Variants in SEC61A1 observed in about 807,000 individuals in gnomAD.
SEC61A1 encodes the protein protein transport protein Sec61 subunit alpha isoform 1.
SEC61A1 carries 15 observed loss-of-function variants against 55.2 expected under a neutral mutation model. The observed-to-expected ratio is 0.27, with a 90% CI of 0.18 to 0.42. The LOEUF (loss-of-function observed/expected upper bound fraction) is 0.42. SEC61A1 is among the 10% of genes least tolerant of loss of function. The pLI is 1.00. For synonymous variants in SEC61A1, 247 were observed against 234.0 expected (o/e 1.06, Z -0.51); for missense variants, 284 against 602.6 (o/e 0.47, Z 5.53).
At chr3:128,064,816 G>A in intron 7 of SEC61A1, 61 bp from the exon 8 acceptor site, 2 of 1,448,442 alleles carry the variant, frequency 1.4e-6, no homozygotes, top group Non-Finnish European at 1.9e-6. Flanking sequence ...TGCTAAGAAG[G>A]CTAGAAGCAA....
chr3:128,056,874 G>C, intron 5 of SEC61A1, 34 bp downstream of exon 5: 1 of 1,424,294 alleles, frequency 7.0e-7, no homozygotes, highest in Non-Finnish European at 9.3e-7. Context: ...GATGTCTATA[G>C]TTGGAAAATT....
rs1318713116 is a variant in SEC61A1, at chr3:128,067,065, C to T, written c.889C>T (p.Leu297=). 22 of 1,614,100 alleles carry T rather than the reference C, an allele frequency of 1.4e-5. No homozygotes were observed. Among genetic ancestry groups the T allele is most frequent in the Non-Finnish European group, 1.9e-5 (22 of 1,180,050 alleles). ...SNIPIILQSA[L]VSNLYVISQM... is the part of the protein sequence containing the mutation. ...CATCCCCATCATCCTGCAGTCTGCC[C>T]TGGTGTCCAACCTTTATGTCATCTC... Residue 297 remains leucine, a synonymous_variant, in exon 9 of 12, where the codon CTG becomes TTG. Coordinates refer to ENST00000243253, the MANE Select transcript of SEC61A1 (RefSeq NM_013336.4). The surrounding 1 kb of genome is among the most constrained non-coding windows in gnomAD (Gnocchi z 4.1).
intron 8 of SEC61A1, 65 bp from the exon 9 acceptor site, chr3:128,066,889 T>C: frequency 6.5e-7 from 1 of 1,529,648 alleles, no homozygotes; most frequent in Non-Finnish European, 9.0e-7. Context: ...CCGGCCGGGC[T>C]GTGTTTCTGT....
In SEC61A1 at chr3:128,052,669, C is replaced by G; in HGVS notation, c.7+110C>G. Reference sequence around the variant, plus strand: ...CAACCCTGACCGGCCCCCTGCAGAACGCGGCCCGTGCCCCCGGCCCTTCTC... The same window carrying G: ...CAACCCTGACCGGCCCCCTGCAGAAGGCGGCCCGTGCCCCCGGCCCTTCTC... On this transcript the variant is annotated intron_variant, in intron 1 of 11. Transcript: ENST00000243253. 7 of 1,534,824 alleles carry G rather than the reference C, an allele frequency of 4.6e-6. No homozygotes were observed. In the Admixed American group the frequency reaches 1.0e-4, roughly 23 times the overall value.
At chr3:128,066,030 C>G (rs1352012153) in intron 8 of SEC61A1, among the ~76,000 whole-genome samples, 1 of 152,118 alleles carries the variant, frequency 6.6e-6, no homozygotes, top group Non-Finnish European at 1.5e-5. Context: ...GCGTGAGCCA[C>G]CGCACCCGGC....
At chr3:128,060,810 T>G in intron 7 of SEC61A1, 149 bp downstream of exon 7, 1 of 751,880 alleles carries the variant, frequency 1.3e-6, no homozygotes, top group Non-Finnish European at 2.1e-6. Flanking sequence ...ATCTGCAAAG[T>G]TTTAAAAACA....
Position 128,052,443 on chromosome 3 carries a change from TCTCTCGGCGGA to T in SEC61A1, c.-109_-99del. The stretch of plus-strand genomic sequence containing the variant: ...TTGCCGCCGGGCTAGCACTGACGTG[TCTCTCGGCGGA>T]GCTGCTGTGCAGTGGAACGCGCTGG... On this transcript the variant is annotated 5_prime_UTR_variant, in exon 1 of 12. Coordinates refer to ENST00000243253, the MANE Select transcript of SEC61A1 (RefSeq NM_013336.4). 1.4e-6 allele frequency: 2 copies of T among 1,427,200 alleles called. No homozygotes were observed. Among genetic ancestry groups the T allele is most frequent in the Admixed American group, 2.9e-5 (1 of 34,884 alleles). 88.4% of individuals were successfully genotyped at this position (1,427,200 alleles called of 1,614,324 possible).
Position 128,067,834 on chromosome 3 carries a change from C to T in SEC61A1, c.1168-149C>T. 1 of 732,844 alleles carries T rather than the reference C, an allele frequency of 1.4e-6. No homozygotes were observed. Among genetic ancestry groups the T allele is most frequent in the Admixed American group, 2.3e-5 (1 of 44,032 alleles). 45.4% of individuals were successfully genotyped at this position (732,844 alleles called of 1,614,324 possible). On this transcript the variant is annotated intron_variant, in intron 10 of 11. Coordinates refer to ENST00000243253, the MANE Select transcript of SEC61A1 (RefSeq NM_013336.4). This position sits in a 1 kb window ranked among gnomAD's most constrained non-coding sequence, Gnocchi z 4.1. ...TCCACACTGTAAAGTTAGACTTTTT[C>T]ATATGACTTCCTTGCGGCAGTTTTA...
At chr3:128,054,064 T>G (rs1224511415) in intron 2 of SEC61A1, among the ~76,000 whole-genome samples, 1 of 152,108 alleles carries the variant, frequency 6.6e-6, no homozygotes, top group Non-Finnish European at 1.5e-5. Flanking sequence ...TAATTGTAGG[T>G]GGGGAACATT....
At chr3:128,064,147 T>C (rs970747232) in intron 7 of SEC61A1, among the ~76,000 whole-genome samples, 2 of 152,232 alleles carry the variant, frequency 1.3e-5, no homozygotes, top group African/African-American at 4.8e-5. Context: ...CTGCACTTCA[T>C]AGCTGTTGAA....
rs1262560556 is a variant in SEC61A1, at chr3:128,071,561, A to C, written c.*1899A>C. On this transcript the variant is annotated 3_prime_UTR_variant, in exon 12 of 12. Transcript: ENST00000243253. ...GGCCCACACTCACGCCCTGTGGGTG[A>C]TGGTCACGGTGGGTGGGTGGGGGCT... 1.3e-5 allele frequency: 2 copies of C among 152,712 alleles called. No homozygotes were observed. Among genetic ancestry groups the C allele is most frequent in the African/African-American group, 4.8e-5 (2 of 41,564 alleles). 9.5% of individuals were successfully genotyped at this position (152,712 alleles called of 1,614,324 possible).
rs1559800336 is a variant in SEC61A1 at position 128,069,733 on chromosome 3, G to A, written c.*71G>A. On this transcript the variant is annotated 3_prime_UTR_variant, in exon 12 of 12. Transcript: ENST00000243253. ...GGAAGGGGAGCTCTCATCATGGCGC[G>A]TGCTGCTGCGGCATATGGACTTTTA... The A allele has an allele frequency of 1.1e-5, 14 of 1,287,204 alleles. No individual in the cohort carries two copies. The highest frequency in any genetic ancestry group is 4.7e-5 in the East Asian group (2 of 42,924). 79.7% of individuals were successfully genotyped at this position (1,287,204 alleles called of 1,614,324 possible).
rs1942006110 is a variant in SEC61A1, at chr3:128,067,190, A to G, written c.975+39A>G. The G allele has an allele frequency of 2.6e-6, 4 of 1,563,628 alleles. No homozygotes were observed. Among genetic ancestry groups the G allele is most frequent in the South Asian group, 2.2e-5 (2 of 90,060 alleles). The stretch of plus-strand genomic sequence containing the variant: ...TTGAAGATGAGCTAGCAATGCAGCT[A>G]AGTTGCAGTGGTTTCTATCAGTGTC... On this transcript the variant is annotated intron_variant, in intron 9 of 11. Transcript: ENST00000243253. This position sits in a 1 kb window ranked among gnomAD's most constrained non-coding sequence, Gnocchi z 4.1.
chr3:128,059,832 C>G (rs1941828255), intron 5 of SEC61A1, among the ~76,000 whole-genome samples: 1 of 152,198 alleles, frequency 6.6e-6, no homozygotes, highest in African/African-American at 2.4e-5. Context: ...CCAAGTTTCA[C>G]TTTTACTCCT....
chr3:128,052,998 G>A lies in SEC61A1; in HGVS notation c.75+96G>A, dbSNP rs149973431. 1.6e-4 allele frequency: 142 copies of A among 877,462 alleles called. No individual in the cohort carries two copies. The East Asian group carries it at 3.5e-3, about 22-fold the overall frequency. The allele number at this position is 877,462 out of a possible 1,614,324, so 54.4% of individuals were successfully genotyped here. ...TTAAAAATGGCTTCAGCACGGCAAT[G>A]GAAACTCTCCCTTCTCTTCCCTTGG... On this transcript the variant is annotated intron_variant, in intron 2 of 11. Transcript: ENST00000243253.
chr3:128,062,009 C>A (rs1941859346), intron 7 of SEC61A1, among the ~76,000 whole-genome samples: 1 of 152,214 alleles, frequency 6.6e-6, no homozygotes, highest in Non-Finnish European at 1.5e-5. Flanking sequence ...TAGGTGCGTG[C>A]AGCAGTAATC....
chr3:128,058,830 C>T (rs920359377), intron 5 of SEC61A1, among the ~76,000 whole-genome samples: 4 of 152,008 alleles, frequency 2.6e-5, no homozygotes, highest in Non-Finnish European at 2.9e-5. Context: ...CACTCCTGCC[C>T]GGGCAACAGA....
At chr3:128,066,926 G>A (rs1941999292) in intron 8 of SEC61A1, 28 bp from the exon 9 acceptor site, 10 of 1,612,558 alleles carry the variant, frequency 6.2e-6, no homozygotes. Context: ...AGGCAGTGAA[G>A]GGGATTTGGT....
chr3:128,051,681 C>T, upstream of SEC61A1: 2 of 1,441,094 alleles, frequency 1.4e-6, no homozygotes, highest in South Asian at 2.9e-5. Context: ...TCTCCTCAAC[C>T]TGTTCCCTCA....
Sources: allele counts gnomAD v4.1 joint callset (sites outside exome capture counted in the v4.1 genomes callset), GRCh38; gene constraint gnomAD v4.1.1; non-coding constraint Gnocchi (gnomAD v3.1); transcripts MANE v1.5; gene names NCBI Gene and HGNC (gene_info 2026-07-23, HGNC 2026-07-21).